GRK5: variants seen among roughly 807,000 people sequenced by gnomAD.
GRK5 encodes G protein-coupled receptor kinase 5.
In GRK5, 40 loss-of-function variants were observed where a neutral mutation model predicts 78.4. The ratio of observed to expected loss-of-function variants is 0.51; its 90% confidence interval spans 0.40 to 0.66. GRK5 has a LOEUF of 0.66. GRK5 is among the 30% of genes least tolerant of loss of function. GRK5 has a pLI of 0.00. For missense variants in GRK5, 598 were observed against 759.9 expected (o/e 0.79, Z 2.50); for synonymous variants, 289 against 296.8 (o/e 0.97, Z 0.27).
intron 2 of GRK5, among the ~76,000 whole-genome samples, chr10:119,337,949 A>G (rs1850921331): frequency 6.6e-6 from 1 of 151,722 alleles, no homozygotes; most frequent in Non-Finnish European, 1.5e-5. Flanking sequence ...TGAGGACACC[A>G]CTCATATTGG....
At chr10:119,352,557 A>G (rs1851201228) in intron 2 of GRK5, among the ~76,000 whole-genome samples, 1 of 152,218 alleles carries the variant, frequency 6.6e-6, no homozygotes, top group African/African-American at 2.4e-5. Context: ...TGAGTGGGTA[A>G]GAAAAAGCCT....
At chr10:119,372,990 G>T (rs1851568700) in intron 2 of GRK5, among the ~76,000 whole-genome samples, 2 of 152,230 alleles carry the variant, frequency 1.3e-5, no homozygotes, top group South Asian at 4.1e-4. Context: ...TTACTGGTCT[G>T]TGATAAGTAC....
chr10:119,364,570 TC>T (rs1346710712), intron 2 of GRK5, among the ~76,000 whole-genome samples: 3 of 152,056 alleles, frequency 2.0e-5, no homozygotes, highest in African/African-American at 7.2e-5. Flanking sequence ...GGTCTCTGCC[TC>T]CCTCCTGCTG....
At chr10:119,297,974 T>A (rs1850112249) in intron 1 of GRK5, among the ~76,000 whole-genome samples, 1 of 152,200 alleles carries the variant, frequency 6.6e-6, no homozygotes, top group Admixed American at 6.5e-5. Flanking sequence ...CATTTATTGC[T>A]GGGGCTCAGG....
chr10:119,295,563 C>T (rs1179806652), intron 1 of GRK5, among the ~76,000 whole-genome samples: 1 of 151,984 alleles, frequency 6.6e-6, no homozygotes, highest in Non-Finnish European at 1.5e-5. Context: ...AAATGCCTGT[C>T]AATCAATGAG....
intron 1 of GRK5, among the ~76,000 whole-genome samples, chr10:119,245,792 C>T (rs868604949): frequency 8.6e-5 from 13 of 151,636 alleles, no homozygotes; most frequent in Admixed American, 3.9e-4. Context: ...CCGAGGCGGG[C>T]GGATCACGAG....
chr10:119,347,407 G>C (rs144965649), intron 2 of GRK5, among the ~76,000 whole-genome samples: 1 of 152,196 alleles, frequency 6.6e-6, no homozygotes, highest in African/African-American at 2.4e-5. Flanking sequence ...ATGTGTGTGC[G>C]TGTGTATACA....
chr10:119,313,009 C>CTGATGGTGGTGGTAATGGTAGTGGTGGT (rs1564886922), intron 1 of GRK5, among the ~76,000 whole-genome samples: 1 of 5,710 alleles, frequency 1.8e-4, no homozygotes, highest in East Asian at 2.8e-3. Context: ...GTGGTCGTGA[C>CTGATGGTGGTGGTAATGGTAGTGGTGGT]GGTGATGGTA....
intron 1 of GRK5, among the ~76,000 whole-genome samples, chr10:119,295,050 C>T (rs1030378924): frequency 4.6e-5 from 7 of 151,788 alleles, no homozygotes; most frequent in Admixed American, 6.6e-5. Context: ...ATTAGCCGGG[C>T]GTGGTGGCAT....
chr10:119,218,752 C>G (rs1589685050), intron 1 of GRK5, among the ~76,000 whole-genome samples: 1 of 152,130 alleles, frequency 6.6e-6, no homozygotes, highest in Non-Finnish European at 1.5e-5. Flanking sequence ...TGCCACTACC[C>G]CTGCTGTCAC....
chr10:119,417,210 G>C (rs754863286), intron 4 of GRK5, among the ~76,000 whole-genome samples: 1 of 152,186 alleles, frequency 6.6e-6, no homozygotes, highest in Non-Finnish European at 1.5e-5. Context: ...CTCGGGTGTG[G>C]TGGGTGATCC....
chr10:119,313,169 G>T (rs908929431), intron 1 of GRK5, among the ~76,000 whole-genome samples: 4 of 151,130 alleles, frequency 2.6e-5, no homozygotes, highest in African/African-American at 9.8e-5. Flanking sequence ...TAATGGTAGT[G>T]GTGGTGGTGA....
chr10:119,262,421 C>G (rs1849427125), intron 1 of GRK5, among the ~76,000 whole-genome samples: 1 of 150,688 alleles, frequency 6.6e-6, no homozygotes, highest in South Asian at 2.1e-4. Context: ...TCAGCACAAC[C>G]TCCGCCTCCC....
chr10:119,406,565 C>G, intron 4 of GRK5: 1 of 732,462 alleles, frequency 1.4e-6, no homozygotes, highest in South Asian at 6.1e-5. Context: ...ATTGCCCGGC[C>G]CTCATTTCCC....
intron 1 of GRK5, among the ~76,000 whole-genome samples, chr10:119,219,252 A>T (rs1188685011): frequency 2.0e-5 from 3 of 152,088 alleles, no homozygotes; most frequent in African/African-American, 7.2e-5. Context: ...TCTGTTGCCT[A>T]GGCTGGAGTG....
intron 1 of GRK5, among the ~76,000 whole-genome samples, chr10:119,277,513 C>T (rs925635842): frequency 6.6e-6 from 1 of 152,166 alleles, no homozygotes; most frequent in African/African-American, 2.4e-5. Flanking sequence ...CCACAACAGA[C>T]CTTGACTCTC....
Position 119,337,250 on chromosome 10 carries a change from G to A in GRK5, c.148+10639G>A, listed in dbSNP as rs144609356. 2.6e-3 allele frequency among the ~76,000 whole-genome samples: 398 copies of A among 152,310 alleles called. 2 individuals carry two copies. Among genetic ancestry groups the A allele is most frequent in the African/African-American group, 9.3e-3 (388 of 41,566 alleles). Reference sequence around the variant, plus strand: ...TCTCCCATTTCCAGATAAGTGAACTGAGTCCCAGAGAAACAAGGTCTTGCC... The same window carrying A: ...TCTCCCATTTCCAGATAAGTGAACTAAGTCCCAGAGAAACAAGGTCTTGCC... On this transcript the variant is annotated intron_variant, in intron 2 of 15. Coordinates refer to ENST00000392870, the MANE Select transcript of GRK5 (RefSeq NM_005308.3).
Position 119,445,506 on chromosome 10 carries a change from G to C in GRK5, c.1266+1754G>C, listed in dbSNP as rs1442614866. 6.6e-6 allele frequency among the ~76,000 whole-genome samples: 1 copy of C among 152,138 alleles called. No homozygotes were observed. The highest frequency in any genetic ancestry group is 1.9e-4 in the East Asian group (1 of 5,170). ...CTGCTGCAGCCTGGACCAGGGTGCTGCTGTCCCTCTGCTGCCCCCTGGTGG... is the reference window on the plus strand; with the variant it reads ...CTGCTGCAGCCTGGACCAGGGTGCTCCTGTCCCTCTGCTGCCCCCTGGTGG... On this transcript the variant is annotated intron_variant, in intron 12 of 15. Transcript: ENST00000392870. The surrounding 1 kb of genome is among the most constrained non-coding windows in gnomAD (Gnocchi z 4.1).
At chr10:119,435,920 G>T (rs1008223271) in intron 8 of GRK5, among the ~76,000 whole-genome samples, 2 of 152,172 alleles carry the variant, frequency 1.3e-5, no homozygotes, top group Non-Finnish European at 2.9e-5. Flanking sequence ...CATGGCAGAA[G>T]GTGAAAGGCA....
Sources: gnomAD v4.1 joint callset for allele counts (sites outside exome capture counted in the v4.1 genomes callset) on GRCh38, gnomAD v4.1.1 for gene constraint, Gnocchi (gnomAD v3.1) non-coding constraint, MANE v1.5 for transcripts, NCBI Gene and HGNC (gene_info 2026-07-23, HGNC 2026-07-21) for gene names.